GALNT18: variants seen among roughly 807,000 people sequenced by gnomAD.
GALNT18 encodes the protein GalNAc-transferase 18.
GALNT18 carries 44 observed loss-of-function variants against 69.5 expected under a neutral mutation model. The ratio of observed to expected loss-of-function variants is 0.63; its 90% confidence interval spans 0.50 to 0.81. The LOEUF (loss-of-function observed/expected upper bound fraction) is 0.81, where lower values mean the gene tolerates loss of function less well. Ranked by LOEUF, GALNT18 falls within the 40% of genes least tolerant of loss-of-function variation. The pLI, the probability that GALNT18 is intolerant of heterozygous loss-of-function variation, is 0.00. For missense variants in GALNT18, 715 were observed against 810.0 expected (o/e 0.88, Z 1.42); for synonymous variants, 364 against 318.2 (o/e 1.14, Z -1.53).
rs1489818385 is a variant in GALNT18, at chr11:11,402,312, C to T, written c.596-23048G>A. The stretch of plus-strand genomic sequence containing the variant: ...CTTCATTTATGAAATGTAAGCAACT[C>T]ATCCAATATTCTCAGAAAAAATAAC... On this transcript the variant is annotated intron_variant, in intron 3 of 10. Coordinates refer to ENST00000227756, the MANE Select transcript of GALNT18 (RefSeq NM_198516.3). The surrounding 1 kb of genome is among the most constrained non-coding windows in gnomAD (Gnocchi z 4.0). 6.6e-6 allele frequency among the ~76,000 whole-genome samples: 1 copy of T among 152,186 alleles called. No homozygotes were observed. Among genetic ancestry groups the T allele is most frequent in the African/African-American group, 2.4e-5 (1 of 41,446 alleles).
intron 2 of GALNT18, among the ~76,000 whole-genome samples, chr11:11,440,016 C>T (rs1330072745): frequency 2.6e-5 from 4 of 152,174 alleles, no homozygotes; most frequent in African/African-American, 7.2e-5. Flanking sequence ...CAGGAGAAAT[C>T]GGCCAGACCT....
chr11:11,342,943 G>A (rs1850236053), intron 6 of GALNT18, among the ~76,000 whole-genome samples: 3 of 152,198 alleles, frequency 2.0e-5, no homozygotes, highest in Admixed American at 2.0e-4. Context: ...TGCATAATAA[G>A]CATGTGGTCA....
intron 2 of GALNT18, among the ~76,000 whole-genome samples, chr11:11,433,280 T>C (rs932705226): frequency 3.9e-5 from 6 of 152,248 alleles, no homozygotes; most frequent in African/African-American, 1.4e-4. Flanking sequence ...GAAGGCATAC[T>C]GCCTGCAACT....
At chr11:11,351,600 A>C (rs1850403818) in intron 6 of GALNT18, among the ~76,000 whole-genome samples, 1 of 152,168 alleles carries the variant, frequency 6.6e-6, no homozygotes, top group African/African-American at 2.4e-5. Flanking sequence ...CAGAGACAGA[A>C]GTATTAGCAA....
At chr11:11,283,759 T>C (rs548287215) in intron 10 of GALNT18, among the ~76,000 whole-genome samples, 2 of 151,982 alleles carry the variant, frequency 1.3e-5, no homozygotes, top group South Asian at 4.1e-4. Flanking sequence ...ACAATACTTT[T>C]AATTAAAGAA....
rs1859611079 is a variant in GALNT18 at position 11,600,662 on chromosome 11, G to A, written c.235+20697C>T. 6.6e-6 allele frequency among the ~76,000 whole-genome samples: 1 copy of A among 151,978 alleles called. No homozygotes were observed. The highest frequency in any genetic ancestry group is 2.1e-4 in the South Asian group (1 of 4,822). On this transcript the variant is annotated intron_variant, in intron 1 of 10. Coordinates refer to ENST00000227756, the MANE Select transcript of GALNT18 (RefSeq NM_198516.3). This position sits in a 1 kb window ranked among gnomAD's most constrained non-coding sequence, Gnocchi z 4.8. Reference sequence around the variant, plus strand: ...TATATGAACCTTGTTGAGCTTCTTGGATATAAAGATTAATATTCTTTCTCA... The same window carrying A: ...TATATGAACCTTGTTGAGCTTCTTGAATATAAAGATTAATATTCTTTCTCA...
In GALNT18 at chr11:11,282,683, C is replaced by T. The variant is rs536906795; in HGVS notation, c.1677+10346G>A. Among the ~76,000 whole-genome samples the T allele has an allele frequency of 3.3e-4, 50 of 152,274 alleles. 3 individuals are homozygous for T. The highest frequency in any genetic ancestry group is 1.1e-3 in the African/African-American group (47 of 41,528). ...CTAGGGTGGAGAAGGATCACCTCAA[C>T]GAGCTTCAAAATTAGGTCTGCTTCC... On this transcript the variant is annotated intron_variant, in intron 10 of 10. Coordinates refer to ENST00000227756, the MANE Select transcript of GALNT18 (RefSeq NM_198516.3).
At chr11:11,520,639 ACC>A (rs1423633212) in intron 1 of GALNT18, among the ~76,000 whole-genome samples, 5 of 152,078 alleles carry the variant, frequency 3.3e-5, no homozygotes, top group African/African-American at 1.2e-4. Flanking sequence ...AGCTCTGGGG[ACC>A]CACACCTCTG....
rs2133892106 is a variant in GALNT18, at chr11:11,496,320, T to C, written c.236-47384A>G. ...TCACCTATCACCAAAAACCCTAGCATCAGCAACACTCCACATGCTGCCATA... is the reference window on the plus strand; with the variant it reads ...TCACCTATCACCAAAAACCCTAGCACCAGCAACACTCCACATGCTGCCATA... On this transcript the variant is annotated intron_variant, in intron 1 of 10. Coordinates refer to ENST00000227756, the MANE Select transcript of GALNT18 (RefSeq NM_198516.3). The surrounding 1 kb of genome is among the most constrained non-coding windows in gnomAD (Gnocchi z 4.0). 6.6e-6 allele frequency among the ~76,000 whole-genome samples: 1 copy of C among 152,198 alleles called. No homozygotes were observed. Among genetic ancestry groups the C allele is most frequent in the Non-Finnish European group, 1.5e-5 (1 of 67,996 alleles).
intron 7 of GALNT18, among the ~76,000 whole-genome samples, chr11:11,333,507 G>A (rs1850055280): frequency 6.6e-6 from 1 of 152,164 alleles, no homozygotes; most frequent in Admixed American, 6.5e-5. Flanking sequence ...AATAAACGGT[G>A]GAGCTGAGAT....
At chr11:11,558,611 G>C (rs1251895548) in intron 1 of GALNT18, among the ~76,000 whole-genome samples, 1 of 152,234 alleles carries the variant, frequency 6.6e-6, no homozygotes, top group Non-Finnish European at 1.5e-5. Flanking sequence ...GGGATGGAAA[G>C]TCCAGCCCAG....
At chr11:11,457,024 C>T (rs1436249302) in intron 1 of GALNT18, among the ~76,000 whole-genome samples, 1 of 152,218 alleles carries the variant, frequency 6.6e-6, no homozygotes, top group Non-Finnish European at 1.5e-5. Flanking sequence ...GAGCGTTGTG[C>T]ATGGGCTAAT....
At chr11:11,477,863 A>G (rs1288891033) in intron 1 of GALNT18, among the ~76,000 whole-genome samples, 2 of 152,226 alleles carry the variant, frequency 1.3e-5, no homozygotes, top group Admixed American at 6.5e-5. Context: ...TCAAAGTACC[A>G]GATGTACCAA....
At chr11:11,473,598 C>T (rs778732155) in intron 1 of GALNT18, among the ~76,000 whole-genome samples, 1 of 152,162 alleles carries the variant, frequency 6.6e-6, no homozygotes, top group African/African-American at 2.4e-5. Flanking sequence ...ATCCTGAGTG[C>T]CTTCTCAGAA....
intron 7 of GALNT18, among the ~76,000 whole-genome samples, chr11:11,335,374 C>G (rs1334425840): frequency 6.6e-6 from 1 of 152,212 alleles, no homozygotes; most frequent in Admixed American, 6.5e-5. Flanking sequence ...TTCAGCATAT[C>G]TGCCCTGTGT....
At chr11:11,350,352 C>T (rs974694346) in intron 6 of GALNT18, among the ~76,000 whole-genome samples, 5 of 152,178 alleles carry the variant, frequency 3.3e-5, no homozygotes, top group African/African-American at 1.2e-4. Context: ...GACTGCTTTG[C>T]AAATGTGTGG....
intron 3 of GALNT18, among the ~76,000 whole-genome samples, chr11:11,429,663 G>A (rs78210324): frequency 0.017 from 2,547 of 152,336 alleles, 61 homozygotes; most frequent in African/African-American, 0.058. Context: ...CTGAGAGGCT[G>A]AGGGACTTTT....
chr11:11,594,580 C>T (rs1043964161), intron 1 of GALNT18, among the ~76,000 whole-genome samples: 30 of 152,198 alleles, frequency 2.0e-4, no homozygotes, highest in South Asian at 4.2e-4. Context: ...TTGTGTCTGA[C>T]TTCTTTCACT....
chr11:11,338,260 G>A lies in GALNT18; in HGVS notation c.1278+2559C>T, dbSNP rs138880458. Among the ~76,000 whole-genome samples the A allele has an allele frequency of 1.9e-3, 286 of 152,232 alleles. 2 individuals are homozygous for A. The highest frequency in any genetic ancestry group is 6.4e-3 in the African/African-American group (267 of 41,532). The stretch of plus-strand genomic sequence containing the variant: ...TGGCATTACAGGCATGAGCCACTGC[G>A]CCTGGCCTCATTTAAAGATTTTAAG... On this transcript the variant is annotated intron_variant, in intron 7 of 10. Transcript: ENST00000227756. The surrounding 1 kb of genome is among the most constrained non-coding windows in gnomAD (Gnocchi z 5.3).
Sources: allele counts gnomAD v4.1 joint callset (sites outside exome capture counted in the v4.1 genomes callset), GRCh38; gene constraint gnomAD v4.1.1; non-coding constraint Gnocchi (gnomAD v3.1); transcripts MANE v1.5; gene names NCBI Gene and HGNC (gene_info 2026-07-23, HGNC 2026-07-21).